ZPLD1: variants seen among roughly 807,000 people sequenced by gnomAD.
ZPLD1 encodes the protein zona pellucida like domain containing 1, also known as zona pellucida-like domain-containing protein 1.
A neutral mutation model predicts 47.2 loss-of-function variants in ZPLD1; 34 were observed. The ratio of observed to expected loss-of-function variants is 0.72; its 90% CI spans 0.55 to 0.96. ZPLD1 has a LOEUF of 0.96. Ranked by LOEUF, ZPLD1 falls within the 40% of genes least tolerant of loss-of-function variation. ZPLD1 has a pLI of 0.00. For synonymous variants in ZPLD1, 176 were observed against 186.2 expected (o/e 0.95, Z 0.45); for missense variants, 512 against 505.8 (o/e 1.01, Z -0.12).
intron 3 of ZPLD1, among the ~76,000 whole-genome samples, chr3:102,448,875 C>T (rs1707296292): frequency 6.6e-6 from 1 of 152,196 alleles, no homozygotes; most frequent in African/African-American, 2.4e-5. Flanking sequence ...AATAGGTATT[C>T]ACTTTGGTAT....
intron 3 of ZPLD1, among the ~76,000 whole-genome samples, chr3:102,439,026 G>T (rs1707134642): frequency 2.6e-5 from 4 of 152,018 alleles, no homozygotes. Context: ...TTACCACAAA[G>T]GACACAGGTG....
chr3:102,390,947 T>A (rs1706488315), intron 6 of ZPLD1, among the ~76,000 whole-genome samples: 1 of 151,792 alleles, frequency 6.6e-6, no homozygotes. Context: ...AAAAAAAAAA[T>A]GTCAGAAAAG....
upstream of ZPLD1, among the ~76,000 whole-genome samples, chr3:102,430,397 A>C (rs983273377): frequency 1.3e-5 from 2 of 152,222 alleles, no homozygotes; most frequent in African/African-American, 4.8e-5. Flanking sequence ...ATATTTTGCA[A>C]ACATTTTTTA....
rs1192163023 is a variant in ZPLD1 at position 102,479,085 on chromosome 3, G to A, written c.*1467G>A. The A allele has an allele frequency of 3.3e-5, 5 of 152,176 alleles. No individual in the cohort carries two copies. Among genetic ancestry groups the A allele is most frequent in the African/African-American group, 1.2e-4 (5 of 41,454 alleles). 9.4% of individuals were successfully genotyped at this position (152,176 alleles called of 1,614,324 possible). On this transcript the variant is annotated 3_prime_UTR_variant, in exon 12 of 12. Transcript: ENST00000466937. Reference sequence around the variant, plus strand: ...ATTTGCCTGAATATTTCAGGAGGAAGTGTTTATATTATAATAATTAGCTAT... The same window carrying A: ...ATTTGCCTGAATATTTCAGGAGGAAATGTTTATATTATAATAATTAGCTAT...
chr3:102,390,740 C>A (rs1286076545), intron 6 of ZPLD1, among the ~76,000 whole-genome samples: 1 of 152,156 alleles, frequency 6.6e-6, no homozygotes, highest in Non-Finnish European at 1.5e-5. Context: ...GTGGTGCACA[C>A]CACAGCCTGT....
chr3:102,456,545 ATATC>A (rs3077584), intron 5 of ZPLD1, among the ~76,000 whole-genome samples, 171 bp downstream of exon 5: 23,483 of 146,976 alleles, frequency 0.16, 1,846 homozygotes, highest in Non-Finnish European at 0.17. Context: ...TTTATCTATT[ATATC>A]TATCTATCTA....
At chr3:102,471,682 G>A (rs1273690061) in intron 10 of ZPLD1, among the ~76,000 whole-genome samples, 2 of 152,264 alleles carry the variant, frequency 1.3e-5, no homozygotes, top group Non-Finnish European at 2.9e-5. Flanking sequence ...AACTAAGGCC[G>A]GAAAAACTGG....
intron 8 of ZPLD1, among the ~76,000 whole-genome samples, chr3:102,423,409 G>T (rs1706904052): frequency 6.6e-6 from 1 of 151,956 alleles, no homozygotes; most frequent in African/African-American, 2.4e-5. Context: ...GAGAAATTTG[G>T]ACATTCATAT....
rs1707667839 is a variant in ZPLD1, at chr3:102,470,584, T to C, written c.1042+82T>C. The C allele has an allele frequency of 3.6e-6, 4 of 1,124,482 alleles. No individual in the cohort carries two copies. The Admixed American group carries it at 6.1e-5, about 17-fold the overall frequency. The allele number at this position is 1,124,482 out of a possible 1,614,324, so 69.7% of individuals were successfully genotyped here. Reference sequence around the variant, plus strand: ...CTTGGCTTCTAACGAGAACTCAAAGTGGTTCCTAAACAGCACTAATTAATT... The same window carrying C: ...CTTGGCTTCTAACGAGAACTCAAAGCGGTTCCTAAACAGCACTAATTAATT... On this transcript the variant is annotated intron_variant, in intron 10 of 11. Transcript: ENST00000466937.
At chr3:102,467,057 A>G (rs1329731735) in intron 8 of ZPLD1, among the ~76,000 whole-genome samples, 1 of 152,118 alleles carries the variant, frequency 6.6e-6, no homozygotes, top group East Asian at 1.9e-4. Flanking sequence ...TAAAAATTAG[A>G]ATTTTACCTC....
intron 10 of ZPLD1, among the ~76,000 whole-genome samples, chr3:102,473,120 T>C (rs1707709807): frequency 6.6e-6 from 1 of 151,986 alleles, no homozygotes; most frequent in Non-Finnish European, 1.5e-5. Context: ...AAAAAACCCA[T>C]CCCCATGATT....
intron 8 of ZPLD1, 145 bp from the exon 9 acceptor site, chr3:102,468,819 C>A: frequency 1.4e-6 from 1 of 697,434 alleles, no homozygotes; most frequent in Non-Finnish European, 2.3e-6. Context: ...TTAGCTTATG[C>A]TATGATTAAA....
rs1003905968 is a variant in ZPLD1, at chr3:102,462,824, TA to T, written c.680+453del. Among the ~76,000 whole-genome samples, 10 of 152,000 alleles carry T rather than the reference TA, an allele frequency of 6.6e-5. No individual in the cohort carries two copies. In the East Asian group the frequency reaches 7.7e-4, roughly 12 times the overall value. On this transcript the variant is annotated intron_variant, in intron 7 of 11. Coordinates refer to ENST00000466937, the MANE Select transcript of ZPLD1 (RefSeq NM_001329788.2). ...AAAATGATCTCCAGAAACATCTCTA[TA>T]AAAAAACTATTAAATTTCAGATGAT...
rs372182950 is a variant in ZPLD1 at position 102,469,174 on chromosome 3, G to A, written c.933+39G>A. The A allele has an allele frequency of 1.0e-5, 16 of 1,582,060 alleles. No homozygotes were observed. In the African/African-American group the frequency reaches 2.0e-4, roughly 20 times the overall value. On this transcript the variant is annotated intron_variant, in intron 9 of 11. Coordinates refer to ENST00000466937, the MANE Select transcript of ZPLD1 (RefSeq NM_001329788.2). ...GAACTTCATTTTAAGTTGTTGAATT[G>A]ATCTAAGCTGAAAGGTTATCAAATG...
Position 102,438,580 on chromosome 3 carries a change from C to G in ZPLD1, c.93C>G (p.His31Gln). 6.2e-7 allele frequency: 1 copy of G among 1,612,588 alleles called. No homozygotes were observed. Among genetic ancestry groups the G allele is most frequent in the Non-Finnish European group, 8.5e-7 (1 of 1,178,628 alleles). ...FNGYNCDANL[H>Q]SRFPAERDIS... Reference sequence around the variant, plus strand: ...GCTACAACTGTGATGCCAACCTCCACAGTAGATTTCCTGGTAAGTGTAAGC... The same window carrying G: ...GCTACAACTGTGATGCCAACCTCCAGAGTAGATTTCCTGGTAAGTGTAAGC... Residue 31 changes from histidine (H) to glutamine (Q), a missense_variant, in exon 3 of 12, where the codon CAC (histidine) becomes CAG (glutamine). Physicochemically the swap from His to Gln is conservative, Grantham distance 24. Transcript: ENST00000466937.
chr3:102,388,455 CTGTGTGTGTGTGTG>C (rs55700835), intron 6 of ZPLD1, among the ~76,000 whole-genome samples: 8 of 135,410 alleles, frequency 5.9e-5, no homozygotes, highest in Non-Finnish European at 1.2e-4. Flanking sequence ...CTCTCTCTGT[CTGTGTGTGTGTGTG>C]TGTGTGTGTG....
In ZPLD1 at chr3:102,476,790, G is replaced by A. The variant is rs374414365; in HGVS notation, c.1043-222G>A. 3.0e-4 allele frequency among the ~76,000 whole-genome samples: 45 copies of A among 152,156 alleles called. No homozygotes were observed. In the East Asian group the frequency reaches 7.5e-3, roughly 25 times the overall value. The stretch of plus-strand genomic sequence containing the variant: ...GGCAGGGGTAGGATGTGGGCTTGGG[G>A]AATAGAAAGATGATGAAATCCAGGA... On this transcript the variant is annotated intron_variant, in intron 10 of 11. Transcript: ENST00000466937.
At chr3:102,468,871 G>A in intron 8 of ZPLD1, 93 bp from the exon 9 acceptor site, 1 of 1,202,198 alleles carries the variant, frequency 8.3e-7, no homozygotes, top group Non-Finnish European at 1.2e-6. Flanking sequence ...TTAATGTAAT[G>A]GCGGAGTCTT....
At chr3:102,426,132 GCA>G (rs79509819) in intron 8 of ZPLD1, among the ~76,000 whole-genome samples, 34,106 of 142,548 alleles carry the variant, frequency 0.24, 4,696 homozygotes, top group African/African-American at 0.41. Flanking sequence ...ACACACACAT[GCA>G]CACACACACA....
Sources: allele counts gnomAD v4.1 joint callset (sites outside exome capture counted in the v4.1 genomes callset), GRCh38; gene constraint gnomAD v4.1.1; transcripts MANE v1.5; gene names NCBI Gene and HGNC (gene_info 2026-07-23, HGNC 2026-07-21).